Variants in CDCA7L observed in about 807,000 individuals in gnomAD.
The protein encoded by CDCA7L is cell division cycle-associated 7-like protein.
In CDCA7L, 44 loss-of-function variants were observed where a neutral mutation model predicts 57.4. That is an observed-to-expected ratio of 0.77 (90% CI 0.60 to 0.98). CDCA7L has a LOEUF of 0.98. Ranked by LOEUF, CDCA7L falls within the 50% of genes least tolerant of loss-of-function variation. The pLI is 0.00. For synonymous variants in CDCA7L, 236 were observed against 202.8 expected, an observed-to-expected ratio of 1.16 and a Z score of -1.39; for missense variants, 644 against 580.6, an observed-to-expected ratio of 1.11 and a Z score of -1.12.
intron 6 of CDCA7L, 53 bp from the exon 7 acceptor site, chr7:21,905,684 A>C (rs1785117173): frequency 6.4e-7 from 1 of 1,561,892 alleles, no homozygotes; most frequent in African/African-American, 1.4e-5. Context: ...GTTATAAAAA[A>C]ATTATAAATA....
intron 2 of CDCA7L, among the ~76,000 whole-genome samples, chr7:21,915,650 A>AC (rs1785458566): frequency 8.3e-6 from 1 of 121,132 alleles, no homozygotes; most frequent in African/African-American, 3.4e-5. Context: ...AAAAAAAAAA[A>AC]AAAAAAAAAC....
In CDCA7L at chr7:21,903,224, C is replaced by T. The variant is rs970520649; in HGVS notation, c.1198-110G>A. 13 of 1,032,878 alleles carry T rather than the reference C, an allele frequency of 1.3e-5. No homozygotes were observed. The African/African-American group carries it at 2.1e-4, about 16-fold the overall frequency. 64.0% of individuals were successfully genotyped at this position (1,032,878 alleles called of 1,614,324 possible). ...TGGCCTCTCCTCCAACCTTTAATCA[C>T]ATGGCATCTTTCAGTCTACGTCCCA... On this transcript the variant is annotated intron_variant, in intron 8 of 9. Transcript: ENST00000406877.
intron 1 of CDCA7L, among the ~76,000 whole-genome samples, chr7:21,942,369 A>G (rs905737379): frequency 6.6e-6 from 1 of 152,188 alleles, no homozygotes; most frequent in African/African-American, 2.4e-5. Flanking sequence ...AAAACTACAG[A>G]AAGCACTGCT....
Position 21,916,941 on chromosome 7 carries a change from A to C in CDCA7L, c.25-47T>G. 3 of 1,609,740 alleles carry C rather than the reference A, an allele frequency of 1.9e-6. No individual in the cohort carries two copies. The Middle Eastern group carries it at 5.0e-4, about 269-fold the overall frequency. On this transcript the variant is annotated intron_variant, in intron 1 of 9. Coordinates refer to ENST00000406877, the MANE Select transcript of CDCA7L (RefSeq NM_018719.5). The stretch of plus-strand genomic sequence containing the variant: ...CAGGATTAAACCAGGGGTTCTTGCT[A>C]ATCACTTAGGGACATTTTCTGGAGG...
intron 1 of CDCA7L, among the ~76,000 whole-genome samples, chr7:21,918,627 G>A (rs1049821532): frequency 1.3e-5 from 2 of 152,170 alleles, no homozygotes; most frequent in Admixed American, 1.3e-4. Flanking sequence ...GTGTTTAACA[G>A]ACTCATTTGG....
Position 21,908,492 on chromosome 7 carries a change from A to C in CDCA7L, c.319T>G (p.Leu107Val). The change falls in exon 4 of 10, where the codon TTG (leucine) becomes GTG (valine). Residue 107 changes from leucine to valine, a missense_variant. By Grantham distance (32) the Leu-to-Val change is conservative. Transcript: ENST00000406877. The part of the protein sequence containing the change: ...NPEVMVVESD[L>V]SDDGKASLVS... The stretch of plus-strand genomic sequence containing the variant: ...AAAGATGCTTTGCCATCATCACTCA[A>C]ATCTGACTCCACGACCTAATAAAAT... 20 of 1,532,858 alleles carry C rather than the reference A, an allele frequency of 1.3e-5. No individual in the cohort carries two copies. The highest frequency in any genetic ancestry group is 1.7e-5 in the Non-Finnish European group (20 of 1,146,144). 95.0% of individuals were successfully genotyped at this position (1,532,858 alleles called of 1,614,324 possible).
chr7:21,920,882 TA>T (rs1284852571), intron 1 of CDCA7L, among the ~76,000 whole-genome samples: 2 of 152,204 alleles, frequency 1.3e-5, no homozygotes, highest in Non-Finnish European at 2.9e-5. Context: ...GCAGAGGCAC[TA>T]AGAGGGACAG....
chr7:21,907,876 A>T (rs558899693), intron 4 of CDCA7L, among the ~76,000 whole-genome samples: 1 of 152,186 alleles, frequency 6.6e-6, no homozygotes, highest in Non-Finnish European at 1.5e-5. Flanking sequence ...GGTCAACAGT[A>T]AGCAGCATTA....
intron 9 of CDCA7L, 106 bp from the exon 10 acceptor site, chr7:21,902,458 G>T: frequency 9.2e-7 from 1 of 1,083,458 alleles, no homozygotes; most frequent in Non-Finnish European, 1.4e-6. Context: ...CCAGAACCCA[G>T]ATCTCCTGAC....
intron 2 of CDCA7L, among the ~76,000 whole-genome samples, 195 bp downstream of exon 2, chr7:21,916,559 A>G (rs1189029142): frequency 1.3e-5 from 2 of 151,044 alleles, no homozygotes; most frequent in African/African-American, 4.9e-5. Context: ...ACAGGGAAGG[A>G]TTAACACAGC....
intron 1 of CDCA7L, among the ~76,000 whole-genome samples, chr7:21,929,584 A>G (rs1293853424): frequency 7.0e-6 from 1 of 142,310 alleles, no homozygotes; most frequent in Non-Finnish European, 1.5e-5. Context: ...AGACACACAT[A>G]GGCTCAAAAT....
rs116903164 is a variant in CDCA7L, at chr7:21,935,375, G to T, written c.24+10406C>A. Among the ~76,000 whole-genome samples, 1,297 of 152,208 alleles carry T rather than the reference G, an allele frequency of 8.5e-3. 10 individuals carry two copies. The highest frequency in any genetic ancestry group is 0.013 in the Non-Finnish European group (892 of 68,014). On this transcript the variant is annotated intron_variant, in intron 1 of 9. Coordinates refer to ENST00000406877, the MANE Select transcript of CDCA7L (RefSeq NM_018719.5). ...AAACAAAATTTACCAAAATATATGGGATGCAGCAAAAGGCACTGCTAAGAG... is the reference window on the plus strand; with the variant it reads ...AAACAAAATTTACCAAAATATATGGTATGCAGCAAAAGGCACTGCTAAGAG...
chr7:21,908,295 T>C lies in CDCA7L; in HGVS notation c.516A>G (p.Leu172=). ...SSEQLFSSAR[L]QNEKKTILER... ...CAAGAATTGTTTTTTTCTCATTCTGTAAGCGTGCGCTAGAAAACAACTGCT... is the reference window on the plus strand; with the variant it reads ...CAAGAATTGTTTTTTTCTCATTCTGCAAGCGTGCGCTAGAAAACAACTGCT... Residue 172 remains leucine, a synonymous_variant, in exon 4 of 10, where the codon TTA becomes TTG. Coordinates refer to ENST00000406877, the MANE Select transcript of CDCA7L (RefSeq NM_018719.5). 6.2e-7 allele frequency: 1 copy of C among 1,612,406 alleles called. No individual in the cohort carries two copies. The highest frequency in any genetic ancestry group is 8.5e-7 in the Non-Finnish European group (1 of 1,179,598).
At chr7:21,929,170 A>C (rs949802555) in intron 1 of CDCA7L, among the ~76,000 whole-genome samples, 2 of 152,206 alleles carry the variant, frequency 1.3e-5, no homozygotes, top group African/African-American at 4.8e-5. Flanking sequence ...TAATGAAAAG[A>C]ATTTTCAACC....
At chr7:21,904,013 G>C in intron 8 of CDCA7L, 97 bp downstream of exon 8, 1 of 1,168,080 alleles carries the variant, frequency 8.6e-7, no homozygotes, top group Middle Eastern at 2.2e-4. Context: ...CAGAGTTCTG[G>C]AGCTCCCTAG....
intron 1 of CDCA7L, among the ~76,000 whole-genome samples, chr7:21,930,714 AAAAAAAAAAG>A (rs1370009654): frequency 6.6e-6 from 1 of 150,430 alleles, no homozygotes; most frequent in Non-Finnish European, 1.5e-5. Flanking sequence ...AAAAAAAAAA[AAAAAAAAAAG>A]AACTAGAGAC....
chr7:21,927,793 G>A (rs1020086520), intron 1 of CDCA7L, among the ~76,000 whole-genome samples: 15 of 152,192 alleles, frequency 9.9e-5, no homozygotes, highest in Non-Finnish European at 1.9e-4. Flanking sequence ...CACTCAACAA[G>A]ATTATCAGCT....
chr7:21,915,331 C>T (rs1785445003), intron 2 of CDCA7L, among the ~76,000 whole-genome samples: 1 of 152,044 alleles, frequency 6.6e-6, no homozygotes, highest in African/African-American at 2.4e-5. Flanking sequence ...AGGACCAGTC[C>T]AACTGGTAGT....
At chr7:21,907,456 G>A (rs1435014914) in intron 4 of CDCA7L, among the ~76,000 whole-genome samples, 2 of 151,788 alleles carry the variant, frequency 1.3e-5, no homozygotes, top group East Asian at 3.9e-4. Context: ...AGGGATAAGT[G>A]GTAGAACTAT....
Sources: gnomAD v4.1 joint callset for allele counts (sites outside exome capture counted in the v4.1 genomes callset) on GRCh38, gnomAD v4.1.1 for gene constraint, MANE v1.5 for transcripts, NCBI Gene and HGNC (gene_info 2026-07-23, HGNC 2026-07-21) for gene names.